Variants in DCC observed in about 807,000 individuals in gnomAD.
The protein encoded by DCC is netrin receptor DCC.
Under a neutral mutation model 172.5 loss-of-function variants are expected in DCC, and 58 were observed. The ratio of observed to expected loss-of-function variants is 0.34; its 90% CI spans 0.27 to 0.42. The LOEUF (loss-of-function observed/expected upper bound fraction) is 0.42. DCC is among the 10% of genes least tolerant of loss of function. The pLI is 1.00. For missense variants in DCC, 1,740 were observed against 1,791.0 expected, an observed-to-expected ratio of 0.97 and a Z score of 0.51; for synonymous variants, 709 against 644.5, an observed-to-expected ratio of 1.10 and a Z score of -1.52.
At chr18:52,739,494 G>T (rs2036782029) in intron 1 of DCC, among the ~76,000 whole-genome samples, 1 of 152,104 alleles carries the variant, frequency 6.6e-6, no homozygotes, top group Non-Finnish European at 1.5e-5. Context: ...TCAAAAATAT[G>T]ATCTGCAACA....
intron 2 of DCC, among the ~76,000 whole-genome samples, chr18:52,792,667 T>A (rs1249640380): frequency 1.3e-5 from 2 of 152,182 alleles, no homozygotes; most frequent in Non-Finnish European, 2.9e-5. Flanking sequence ...ATGGCAGGCA[T>A]GCTAATGGTA....
chr18:52,878,677 T>C (rs1247351171), intron 2 of DCC, among the ~76,000 whole-genome samples: 1 of 152,240 alleles, frequency 6.6e-6, no homozygotes, highest in Non-Finnish European at 1.5e-5. Flanking sequence ...TTGTTTATTA[T>C]CTGATTCTCC....
chr18:53,321,804 G>A (rs1226014399), intron 13 of DCC, among the ~76,000 whole-genome samples: 1 of 151,904 alleles, frequency 6.6e-6, no homozygotes, highest in Non-Finnish European at 1.5e-5. Flanking sequence ...TCTGCCCTGA[G>A]GCTATTTACA....
intron 15 of DCC, among the ~76,000 whole-genome samples, chr18:53,353,191 C>T (rs1348409623): frequency 6.6e-6 from 1 of 151,422 alleles, no homozygotes; most frequent in Non-Finnish European, 1.5e-5. Context: ...GCAGGAATCA[C>T]TTGAACCCAG....
intron 1 of DCC, among the ~76,000 whole-genome samples, chr18:52,484,096 T>C (rs1171211757): frequency 6.6e-6 from 1 of 152,170 alleles, no homozygotes; most frequent in South Asian, 2.1e-4. Context: ...CTTAAACTTA[T>C]GTGAATGGGC....
intron 8 of DCC, among the ~76,000 whole-genome samples, chr18:53,161,664 C>G (rs2054841440): frequency 6.6e-6 from 1 of 152,178 alleles, no homozygotes; most frequent in Non-Finnish European, 1.5e-5. Flanking sequence ...GCTTCAACCC[C>G]AATTCCTCCC....
chr18:53,080,744 A>G (rs1386564272), intron 7 of DCC, among the ~76,000 whole-genome samples: 1 of 152,136 alleles, frequency 6.6e-6, no homozygotes, highest in Non-Finnish European at 1.5e-5. Flanking sequence ...TATATGGAAG[A>G]GGAAACGGTT....
intron 15 of DCC, among the ~76,000 whole-genome samples, chr18:53,346,791 C>T (rs1293650090): frequency 2.6e-5 from 4 of 152,106 alleles, no homozygotes; most frequent in Non-Finnish European, 4.4e-5. Flanking sequence ...TGCTTTTTCA[C>T]TTGAGAATGG....
chr18:52,561,377 A>G (rs1352362423), intron 1 of DCC, among the ~76,000 whole-genome samples: 4 of 151,382 alleles, frequency 2.6e-5, no homozygotes, highest in Non-Finnish European at 5.9e-5. Flanking sequence ...ATTGATCTTT[A>G]CCTGCATACA....
intron 5 of DCC, among the ~76,000 whole-genome samples, chr18:53,054,191 A>G (rs1445557755): frequency 6.6e-6 from 1 of 152,160 alleles, no homozygotes; most frequent in African/African-American, 2.4e-5. Context: ...AGCTGCATTT[A>G]CATATTTTAT....
intron 1 of DCC, among the ~76,000 whole-genome samples, chr18:52,399,924 A>C (rs1228601337): frequency 2.0e-5 from 3 of 152,020 alleles, no homozygotes; most frequent in Non-Finnish European, 2.9e-5. Flanking sequence ...GAATTTATCA[A>C]ATAAATGAGT....
chr18:53,527,223 T>A (rs2046468744), intron 28 of DCC, among the ~76,000 whole-genome samples: 1 of 151,374 alleles, frequency 6.6e-6, no homozygotes, highest in Non-Finnish European at 1.5e-5. Flanking sequence ...TTTTTTATTT[T>A]AAGAGACAGG....
At chr18:52,394,985 T>C (rs1432306499) in intron 1 of DCC, among the ~76,000 whole-genome samples, 2 of 151,962 alleles carry the variant, frequency 1.3e-5, no homozygotes, top group Non-Finnish European at 2.9e-5. Context: ...ACACACAGCC[T>C]GCGGGTAAGT....
At chr18:52,694,355 A>G (rs1257772474) in intron 1 of DCC, among the ~76,000 whole-genome samples, 1 of 152,108 alleles carries the variant, frequency 6.6e-6, no homozygotes, top group African/African-American at 2.4e-5. Flanking sequence ...ATAGGACATT[A>G]GTGTAAAAAA....
At chr18:52,584,650 C>T (rs1339615017) in intron 1 of DCC, among the ~76,000 whole-genome samples, 1 of 152,170 alleles carries the variant, frequency 6.6e-6, no homozygotes, top group Non-Finnish European at 1.5e-5. Context: ...ATACATCTGC[C>T]TCAGCCTCCT....
At chr18:52,924,709 A>G (rs943432269) in intron 4 of DCC, among the ~76,000 whole-genome samples, 4 of 152,116 alleles carry the variant, frequency 2.6e-5, no homozygotes, top group African/African-American at 9.6e-5. Context: ...AAATATTTAG[A>G]TAACAACAAG....
intron 25 of DCC, among the ~76,000 whole-genome samples, chr18:53,469,996 A>T (rs921174131): frequency 6.6e-6 from 1 of 152,184 alleles, no homozygotes; most frequent in South Asian, 2.1e-4. Context: ...AATGTACTAG[A>T]TGCCCCTGGT....
intron 1 of DCC, among the ~76,000 whole-genome samples, chr18:52,590,974 A>G (rs1387623533): frequency 6.6e-6 from 1 of 152,256 alleles, no homozygotes; most frequent in East Asian, 1.9e-4. Context: ...TTAAAAATCA[A>G]TACTGAATGC....
rs12606586 is a variant in DCC at position 53,313,037 on chromosome 18, A to G, written c.2053+7318A>G. On this transcript the variant is annotated intron_variant, in intron 13 of 28. Transcript: ENST00000442544. The stretch of plus-strand genomic sequence containing the variant: ...GGAAGAAAGGAAGGGAAGAAGGAGG[A>G]AAGGGAAGAAGGGAGGGAAGGAAAG... 1.4e-3 allele frequency among the ~76,000 whole-genome samples: 79 copies of G among 56,280 alleles called. No homozygotes were observed. In the East Asian group the frequency reaches 0.021, roughly 15 times the overall value. The allele number at this position is 56,280 out of a possible 152,430, so 36.9% of individuals were successfully genotyped here.
Sources: allele counts gnomAD v4.1 joint callset (sites outside exome capture counted in the v4.1 genomes callset), GRCh38; gene constraint gnomAD v4.1.1; transcripts MANE v1.5; gene names NCBI Gene and HGNC (gene_info 2026-07-23, HGNC 2026-07-21).